Variants in VPS50 observed in about 807,000 individuals in gnomAD.
VPS50 encodes the protein syndetin.
Under a neutral mutation model 139.7 loss-of-function variants are expected in VPS50, and 70 were observed. That is an observed-to-expected ratio of 0.50 (90% CI 0.41 to 0.61). The LOEUF is 0.61. Among genes scored for constraint, VPS50 ranks in the 20% least tolerant of loss-of-function variants. The pLI, the probability that VPS50 is intolerant of heterozygous loss-of-function variation, is 0.00. For missense variants in VPS50, 921 were observed against 1,133.7 expected (o/e 0.81, Z 2.69); for synonymous variants, 365 against 376.7 (o/e 0.97, Z 0.36).
intron 23 of VPS50, among the ~76,000 whole-genome samples, chr7:93,344,794 C>T (rs1798338897): frequency 6.6e-6 from 1 of 151,990 alleles, no homozygotes; most frequent in African/African-American, 2.4e-5. Flanking sequence ...AACAAAGACA[C>T]AACATACCAG....
chr7:93,233,128 C>A, intron 1 of VPS50, among the ~76,000 whole-genome samples: 1 of 151,728 alleles, frequency 6.6e-6, no homozygotes, highest in Non-Finnish European at 1.5e-5. Flanking sequence ...TCTTTTTTTT[C>A]CCCAGAATGG....
intron 2 of VPS50, among the ~76,000 whole-genome samples, chr7:93,244,400 A>G (rs1296493907): frequency 6.6e-6 from 1 of 151,852 alleles, no homozygotes; most frequent in Non-Finnish European, 1.5e-5. Context: ...AAATTTGTGG[A>G]GAGTGTGCTT....
chr7:93,339,841 G>A (rs1355171289), intron 22 of VPS50, among the ~76,000 whole-genome samples: 1 of 152,066 alleles, frequency 6.6e-6, no homozygotes, highest in Non-Finnish European at 1.5e-5. Flanking sequence ...AAAGATAATA[G>A]CATTTTTGTA....
At chr7:93,305,398 A>G (rs761854646) in intron 17 of VPS50, among the ~76,000 whole-genome samples, 1 of 151,960 alleles carries the variant, frequency 6.6e-6, no homozygotes, top group Non-Finnish European at 1.5e-5. Flanking sequence ...TTTATTTCTG[A>G]TGTATTTGTA....
intron 20 of VPS50, among the ~76,000 whole-genome samples, chr7:93,316,345 G>C (rs1412473777): frequency 6.6e-6 from 1 of 152,166 alleles, no homozygotes; most frequent in South Asian, 2.1e-4. Flanking sequence ...TCTAACAGGG[G>C]AGAGACCCCA....
intron 4 of VPS50, among the ~76,000 whole-genome samples, chr7:93,254,680 T>G (rs1354007972): frequency 6.6e-6 from 1 of 152,186 alleles, no homozygotes; most frequent in Non-Finnish European, 1.5e-5. Context: ...CTCCCTTTTG[T>G]TTATCAGTAA....
intron 17 of VPS50, among the ~76,000 whole-genome samples, chr7:93,305,280 C>G (rs946908147): frequency 2.0e-5 from 3 of 151,798 alleles, no homozygotes; most frequent in Admixed American, 6.6e-5. Context: ...GTAGAAGACA[C>G]ATCATATGAC....
rs1299198086 is a variant in VPS50, at chr7:93,294,563, G to T, written c.1094G>T (p.Gly365Val). The change falls in exon 14 of 28, where the codon GGT becomes GTT. Residue 365 changes from glycine (G) to valine (V), a missense_variant. Gly to Val is a moderately radical substitution (Grantham distance 109). This residue lies in a region of VPS50 where 744 missense variants were observed against 930.6 expected (regional missense o/e 0.80). Transcript: ENST00000305866. Reference protein sequence around the residue: ...ASASEGSNMIGTEETNFDRGY... With the variant: ...ASASEGSNMIVTEETNFDRGY... ...TTTTCAGAAGGGAGTAATATGATAG[G>T]TACTGAAGAAACTAATTTTGATCGT... is the stretch of plus-strand genomic sequence containing the variant. 1.1e-5 allele frequency: 18 copies of T among 1,589,088 alleles called. No homozygotes were observed. Among genetic ancestry groups the T allele is most frequent in the Non-Finnish European group, 1.5e-5 (18 of 1,168,536 alleles).
Position 93,349,929 on chromosome 7 carries a change from A to G in VPS50, c.2359A>G (p.Lys787Glu). The change falls in exon 25 of 28, where the codon AAA (lysine) becomes GAA (glutamate). Residue 787 changes from lysine to glutamate, a missense_variant. Coordinates refer to ENST00000305866, the MANE Select transcript of VPS50 (RefSeq NM_017667.4). The part of the protein sequence containing the change: ...RKPIYWIVAG[K>E]ALDYEQMLLL... Reference sequence around the variant, plus strand: ...ACCAATTTACTGGATTGTAGCTGGTAAAGCCCTTGATTATGAACAGATGCT... The same window carrying G: ...ACCAATTTACTGGATTGTAGCTGGTGAAGCCCTTGATTATGAACAGATGCT... 6.2e-7 allele frequency: 1 copy of G among 1,613,532 alleles called. No individual in the cohort carries two copies. The highest frequency in any genetic ancestry group is 2.2e-5 in the East Asian group (1 of 44,856).
At chr7:93,294,721 A>G (rs907162500) in intron 14 of VPS50, 85 bp downstream of exon 14, 2 of 1,010,394 alleles carry the variant, frequency 2.0e-6, no homozygotes, top group Non-Finnish European at 1.5e-6. Flanking sequence ...TAAGTTTTCT[A>G]TATATGTATT....
chr7:93,319,181 C>G (rs1243520530), intron 20 of VPS50, among the ~76,000 whole-genome samples: 1 of 152,122 alleles, frequency 6.6e-6, no homozygotes, highest in Non-Finnish European at 1.5e-5. Context: ...AATATATAAT[C>G]AGATATAGTC....
At chr7:93,262,750 C>T (rs2116854599) in intron 9 of VPS50, among the ~76,000 whole-genome samples, 1 of 152,292 alleles carries the variant, frequency 6.6e-6, no homozygotes, top group East Asian at 1.9e-4. Flanking sequence ...ATGATAGCCC[C>T]TCCGCTAGCA....
chr7:93,343,065 A>G (rs1798272200), intron 23 of VPS50, among the ~76,000 whole-genome samples: 1 of 152,206 alleles, frequency 6.6e-6, no homozygotes, highest in African/African-American at 2.4e-5. Flanking sequence ...AACCAAAGGC[A>G]AAGAAGTAGA....
intron 9 of VPS50, 35 bp from the exon 10 acceptor site, chr7:93,271,184 GA>G (rs1795996482): frequency 2.6e-6 from 4 of 1,539,200 alleles, no homozygotes; most frequent in Non-Finnish European, 3.5e-6. Context: ...GTTTGTCTCA[GA>G]AATAGAAAAA....
At chr7:93,311,830 A>AT (rs1156794375) in intron 20 of VPS50, among the ~76,000 whole-genome samples, 3 of 152,086 alleles carry the variant, frequency 2.0e-5, no homozygotes, top group South Asian at 2.1e-4. Flanking sequence ...GATGATGTGG[A>AT]TTTTTTTAAA....
At chr7:93,320,158 T>A (rs1797560665) in intron 20 of VPS50, among the ~76,000 whole-genome samples, 1 of 152,150 alleles carries the variant, frequency 6.6e-6, no homozygotes, top group Admixed American at 6.5e-5. Flanking sequence ...TGGCTCTTTC[T>A]CTTCAGTAGA....
At chr7:93,326,307 G>T in intron 21 of VPS50, among the ~76,000 whole-genome samples, 1 of 95,670 alleles carries the variant, frequency 1.0e-5, no homozygotes, top group African/African-American at 4.0e-5. Context: ...TGGGGTGGGG[G>T]GAGGGGGGAG....
At chr7:93,325,939 A>G (rs1479056293) in intron 21 of VPS50, among the ~76,000 whole-genome samples, 24 of 151,448 alleles carry the variant, frequency 1.6e-4, no homozygotes, top group Middle Eastern at 3.4e-3. Context: ...CAGCCATCCC[A>G]TTACTGGGTA....
At chr7:93,278,426 A>G (rs1031748045) in intron 12 of VPS50, among the ~76,000 whole-genome samples, 2 of 148,278 alleles carry the variant, frequency 1.3e-5, no homozygotes, top group African/African-American at 5.2e-5. Context: ...TGCCTCTACT[A>G]AAAATACAAA....
Sources: gnomAD v4.1 joint callset for allele counts (sites outside exome capture counted in the v4.1 genomes callset) on GRCh38, gnomAD v4.1.1 for gene constraint, gnomAD v4.1.1 regional missense constraint, MANE v1.5 for transcripts, NCBI Gene and HGNC (gene_info 2026-07-23, HGNC 2026-07-21) for gene names.